The following MGST1 variants were observed in gnomAD, a reference collection of about 807,000 sequenced individuals.
MGST1 encodes the protein microsomal glutathione S-transferase 1.
Under a neutral mutation model 8.9 loss-of-function variants are expected in MGST1, and 5 were observed. The observed-to-expected ratio is 0.56, with a 90% confidence interval of 0.29 to 1.19. MGST1 has a LOEUF of 1.19. Among genes scored for constraint, MGST1 ranks in the 50% most tolerant of loss-of-function variants. The pLI, the probability that MGST1 is intolerant of heterozygous loss-of-function variation, is 0.08. For missense variants in MGST1, 182 were observed against 187.4 expected (o/e 0.97, Z 0.17); for synonymous variants, 54 against 67.8 (o/e 0.80, Z 1.00).
At chr12:16,405,278 C>A (rs1213902201) in intron 1 of MGST1, among the ~76,000 whole-genome samples, 1 of 151,602 alleles carries the variant, frequency 6.6e-6, no homozygotes, top group African/African-American at 2.4e-5. Flanking sequence ...ATAGGATAAA[C>A]CTCTATGCAC....
intron 4 of MGST1, among the ~76,000 whole-genome samples, chr12:16,491,438 C>T (rs1444637770): frequency 2.0e-5 from 3 of 152,142 alleles, no homozygotes; most frequent in Non-Finnish European, 4.4e-5. Flanking sequence ...GAAGACAAGA[C>T]CTGTATTCTG....
At chr12:16,487,527 G>C (rs1226917815) in intron 4 of MGST1, among the ~76,000 whole-genome samples, 1 of 152,158 alleles carries the variant, frequency 6.6e-6, no homozygotes, top group African/African-American at 2.4e-5. Flanking sequence ...AAGTGGTAAA[G>C]AAATATGGAG....
chr12:16,420,018 T>G (rs1940820435), intron 1 of MGST1, among the ~76,000 whole-genome samples: 2 of 152,336 alleles, frequency 1.3e-5, no homozygotes, highest in African/African-American at 4.8e-5. Flanking sequence ...AGCAGTTTGA[T>G]TCTAGTGTGA....
rs975458548 is a variant in MGST1 at position 16,389,662 on chromosome 12, G to T, written n.778+6058G>T. Among the ~76,000 whole-genome samples, 1 of 152,176 alleles carries T rather than the reference G, an allele frequency of 6.6e-6. No homozygotes were observed. The highest frequency in any genetic ancestry group is 6.5e-5 in the Admixed American group (1 of 15,276). Reference sequence around the variant, plus strand: ...CTACAGAGAAGCAAGGATTCCAGATGGAGGGAGAGTTTGGAATGTGAAAGA... The same window carrying T: ...CTACAGAGAAGCAAGGATTCCAGATTGAGGGAGAGTTTGGAATGTGAAAGA... On this transcript the variant is annotated intron_variant and non_coding_transcript_variant, in intron 1 of 1. Coordinates refer to the MGST1 transcript ENST00000359720. This position sits in a 1 kb window ranked among gnomAD's most constrained non-coding sequence, Gnocchi z 4.6.
downstream of MGST1, among the ~76,000 whole-genome samples, chr12:16,441,263 A>G (rs1941036717): frequency 6.6e-6 from 1 of 151,862 alleles, no homozygotes; most frequent in Non-Finnish European, 1.5e-5. Flanking sequence ...CCACCCAGGC[A>G]TAACCTCCTC....
Position 16,364,348 on chromosome 12 carries a change from G to C in MGST1, c.*307G>C. 1.9e-5 allele frequency: 19 copies of C among 1,026,384 alleles called. No homozygotes were observed. The highest frequency in any genetic ancestry group is 2.2e-5 in the Non-Finnish European group (19 of 855,728). 63.6% of individuals were successfully genotyped at this position (1,026,384 alleles called of 1,614,324 possible). On this transcript the variant is annotated 3_prime_UTR_variant, in exon 4 of 4. Coordinates refer to ENST00000396210, the MANE Select transcript of MGST1 (RefSeq NM_020300.5). The surrounding 1 kb of genome is among the most constrained non-coding windows in gnomAD (Gnocchi z 5.7). ...TTTTGAATCTATAAAAGAATTGCACGTATGAGAAACCTATATTTCAATACT... is the reference window on the plus strand; with the variant it reads ...TTTTGAATCTATAAAAGAATTGCACCTATGAGAAACCTATATTTCAATACT...
intron 4 of MGST1, among the ~76,000 whole-genome samples, chr12:16,545,651 A>C (rs897985970): frequency 1.3e-5 from 2 of 151,632 alleles, no homozygotes; most frequent in African/African-American, 4.8e-5. Context: ...GATGCTGACC[A>C]CTCTTGTTTT....
chr12:16,579,401 T>C (rs898790960), intron 4 of MGST1, among the ~76,000 whole-genome samples: 4 of 152,136 alleles, frequency 2.6e-5, no homozygotes, highest in Non-Finnish European at 4.4e-5. Flanking sequence ...TGAGAAACAA[T>C]TTTTTTGGTA....
In MGST1 at chr12:16,584,739, C is replaced by A; in HGVS notation, n.483-4789C>A. Among the ~76,000 whole-genome samples, 1 of 152,210 alleles carries A rather than the reference C, an allele frequency of 6.6e-6. No homozygotes were observed. Among genetic ancestry groups the A allele is most frequent in the South Asian group, 2.1e-4 (1 of 4,822 alleles). ...CAGCAAGAGATTTCTTTTATCAGGACGGGCTGCTTCTCGCCTCACAAAGCA... is the reference window on the plus strand; with the variant it reads ...CAGCAAGAGATTTCTTTTATCAGGAAGGGCTGCTTCTCGCCTCACAAAGCA... On this transcript the variant is annotated intron_variant and non_coding_transcript_variant, in intron 4 of 4. Coordinates refer to the MGST1 transcript ENST00000538857. This position sits in a 1 kb window ranked among gnomAD's most constrained non-coding sequence, Gnocchi z 5.2.
Position 16,454,941 on chromosome 12 carries a change from A to T in MGST1, n.482+71337A>T, listed in dbSNP as rs997889406. 5.0e-4 allele frequency among the ~76,000 whole-genome samples: 75 copies of T among 150,966 alleles called. 1 individual carries two copies. Among genetic ancestry groups the T allele is most frequent in the Non-Finnish European group, 2.7e-4 (18 of 67,708 alleles). On this transcript the variant is annotated intron_variant and non_coding_transcript_variant, in intron 4 of 4. Transcript: ENST00000538857. ...GATTTGAGGAGAACCAGGGCAGGAC[A>T]GTGTCAGATATCTCACATTAAGAAG...
At chr12:16,447,015 C>G (rs764029009) in intron 4 of MGST1, among the ~76,000 whole-genome samples, 1 of 151,904 alleles carries the variant, frequency 6.6e-6, no homozygotes, top group Admixed American at 6.6e-5. Context: ...TTCCCTAAGC[C>G]TCTCTATTCC....
chr12:16,387,672 G>A (rs189562773), intron 1 of MGST1, among the ~76,000 whole-genome samples: 269 of 151,848 alleles, frequency 1.8e-3, no homozygotes, highest in Middle Eastern at 3.4e-3. Flanking sequence ...GACTACAGGC[G>A]CCCACCACCA....
intron 1 of MGST1, among the ~76,000 whole-genome samples, chr12:16,387,142 G>C (rs1940510692): frequency 6.6e-6 from 1 of 151,558 alleles, no homozygotes; most frequent in African/African-American, 2.4e-5. Context: ...TTATTTTATT[G>C]TGCCTAATTT....
chr12:16,559,172 A>AAAGT lies in MGST1; in HGVS notation n.483-30355_483-30352dup. Among the ~76,000 whole-genome samples the AAAGT allele has an allele frequency of 6.6e-6, 1 of 152,318 alleles. No homozygotes were observed. Among genetic ancestry groups the AAAGT allele is most frequent in the African/African-American group, 2.4e-5 (1 of 41,574 alleles). The stretch of plus-strand genomic sequence containing the variant: ...TATACTCTGCCAGGTGTTCTCACAG[A>AAAGT]AAGTCAGTGAATTCATTTTCATTAA... On this transcript the variant is annotated intron_variant and non_coding_transcript_variant, in intron 4 of 4. Coordinates refer to the MGST1 transcript ENST00000538857. The surrounding 1 kb of genome is among the most constrained non-coding windows in gnomAD (Gnocchi z 4.1).
chr12:16,511,262 T>A (rs1941575401), intron 4 of MGST1, among the ~76,000 whole-genome samples: 1 of 152,254 alleles, frequency 6.6e-6, no homozygotes, highest in Non-Finnish European at 1.5e-5. Flanking sequence ...TATATATATA[T>A]TCCATGGCCT....
rs149697315 is a variant in MGST1 at position 16,484,627 on chromosome 12, G to C, written n.482+101023G>C. ...GAAGCAGGCATGTCTTATATGGCTG[G>C]AGCAGGAGGAAGAGAGCAAAGAGGT... On this transcript the variant is annotated intron_variant and non_coding_transcript_variant, in intron 4 of 4. Coordinates refer to the MGST1 transcript ENST00000538857. Among the ~76,000 whole-genome samples, 333 of 152,218 alleles carry C rather than the reference G, an allele frequency of 2.2e-3. 1 individual carries two copies. The highest frequency in any genetic ancestry group is 4.1e-3 in the Non-Finnish European group (282 of 68,010).
intron 4 of MGST1, among the ~76,000 whole-genome samples, chr12:16,531,913 T>C (rs755443808): frequency 7.9e-5 from 12 of 152,136 alleles, no homozygotes; most frequent in Non-Finnish European, 1.5e-4. Context: ...TTTGTCAATA[T>C]TGAAGTAAAC....
intron 4 of MGST1, among the ~76,000 whole-genome samples, chr12:16,527,301 T>A (rs1941693621): frequency 6.6e-6 from 1 of 152,154 alleles, no homozygotes; most frequent in East Asian, 1.9e-4. Context: ...AATTTCACAA[T>A]GAGCTCTTTA....
At position 16,564,549 on chromosome 12, in the gene MGST1, A is replaced by T. The variant is rs566084200; in HGVS notation, n.483-24979A>T. On this transcript the variant is annotated intron_variant and non_coding_transcript_variant, in intron 4 of 4. Coordinates refer to the MGST1 transcript ENST00000538857. Reference sequence around the variant, plus strand: ...AGGCATCAGGGGAAAATGAGTGTTCATTGTATTAGTGTCTTTTATTTCACA... The same window carrying T: ...AGGCATCAGGGGAAAATGAGTGTTCTTTGTATTAGTGTCTTTTATTTCACA... 1.9e-4 allele frequency among the ~76,000 whole-genome samples: 29 copies of T among 152,276 alleles called. No individual in the cohort carries two copies. In the South Asian group the frequency reaches 6.0e-3, roughly 32 times the overall value.
Sources: allele counts gnomAD v4.1 joint callset (sites outside exome capture counted in the v4.1 genomes callset), GRCh38; gene constraint gnomAD v4.1.1; non-coding constraint Gnocchi (gnomAD v3.1); transcripts MANE v1.5; gene names NCBI Gene and HGNC (gene_info 2026-07-23, HGNC 2026-07-21).